Variants in WWOX observed in about 807,000 individuals in gnomAD.
WWOX encodes WW domain-containing oxidoreductase.
A neutral mutation model predicts 46.2 loss-of-function variants in WWOX; 69 were observed. The ratio of observed to expected loss-of-function variants is 1.49; its 90% confidence interval spans 1.23 to 1.82. The LOEUF (loss-of-function observed/expected upper bound fraction) is 1.82, where lower values mean the gene tolerates loss of function less well. WWOX is among the 40% of genes most tolerant of loss of function. The probability of loss-of-function intolerance (pLI) is 0.00; values close to 1 mark genes in which losing one functional copy is unlikely to be tolerated. For synonymous variants in WWOX, 359 were observed against 202.6 expected (o/e 1.77, Z -6.56); for missense variants, 919 against 542.6 (o/e 1.69, Z -6.89).
chr16:79,090,867 C>G (rs892741210), intron 8 of WWOX, among the ~76,000 whole-genome samples: 1 of 152,170 alleles, frequency 6.6e-6, no homozygotes, highest in African/African-American at 2.4e-5. Context: ...GATCTCAGCT[C>G]ACTGCAACCT....
At chr16:78,361,928 C>T (rs1173486259) in intron 5 of WWOX, among the ~76,000 whole-genome samples, 1 of 149,252 alleles carries the variant, frequency 6.7e-6, no homozygotes, top group East Asian at 1.9e-4. Flanking sequence ...CCGTTTATTT[C>T]TGATTCAATT....
intron 8 of WWOX, among the ~76,000 whole-genome samples, chr16:79,192,048 A>G (rs572952444): frequency 6.7e-4 from 102 of 152,270 alleles, no homozygotes; most frequent in African/African-American, 2.4e-3. Flanking sequence ...GTTAGAGACA[A>G]TTTTCTTCTC....
chr16:78,427,535 C>G (rs531624233), intron 7 of WWOX, among the ~76,000 whole-genome samples: 11 of 150,910 alleles, frequency 7.3e-5, no homozygotes, highest in African/African-American at 2.5e-4. Context: ...CACATACACG[C>G]ACGCACGCAC....
chr16:78,447,525 G>A (rs1459123634), intron 8 of WWOX, among the ~76,000 whole-genome samples: 1 of 152,198 alleles, frequency 6.6e-6, no homozygotes, highest in East Asian at 1.9e-4. Context: ...GAAAGTATAT[G>A]TGTAATTATT....
At chr16:79,043,324 T>A (rs367635446) in intron 8 of WWOX, among the ~76,000 whole-genome samples, 3 of 152,242 alleles carry the variant, frequency 2.0e-5, no homozygotes, top group African/African-American at 7.2e-5. Flanking sequence ...AAATTAGGAT[T>A]AAAAAAATGG....
chr16:78,448,784 G>C (rs991863114), intron 8 of WWOX, among the ~76,000 whole-genome samples: 3 of 152,204 alleles, frequency 2.0e-5, no homozygotes, highest in African/African-American at 4.8e-5. Flanking sequence ...CCCGGAACCA[G>C]AGTGTTGCCT....
chr16:78,566,192 T>C (rs1373293604), intron 8 of WWOX, among the ~76,000 whole-genome samples: 1 of 151,836 alleles, frequency 6.6e-6, no homozygotes, highest in Non-Finnish European at 1.5e-5. Context: ...TCGTACCCCG[T>C]CCCCCATGAT....
intron 5 of WWOX, among the ~76,000 whole-genome samples, chr16:78,205,287 A>T (rs2036355477): frequency 1.3e-5 from 2 of 152,320 alleles, no homozygotes; most frequent in East Asian, 1.9e-4. Context: ...TTAGGTAGAC[A>T]AACAGAAAAA....
chr16:78,448,256 G>T (rs575290071), intron 8 of WWOX, among the ~76,000 whole-genome samples: 60 of 152,236 alleles, frequency 3.9e-4, no homozygotes, highest in African/African-American at 1.4e-3. Flanking sequence ...CATAACGGGG[G>T]AGTAAAATTC....
At chr16:78,886,380 GAAAT>G (rs1192638539) in intron 8 of WWOX, among the ~76,000 whole-genome samples, 1 of 151,448 alleles carries the variant, frequency 6.6e-6, no homozygotes, top group Non-Finnish European at 1.5e-5. Flanking sequence ...AATTATATGA[GAAAT>G]AAATCCTAAA....
intron 8 of WWOX, among the ~76,000 whole-genome samples, chr16:79,056,215 CAAAAAA>C (rs199968406): frequency 7.2e-5 from 10 of 139,106 alleles, no homozygotes; most frequent in Admixed American, 2.1e-4. Flanking sequence ...GTCACTAGAC[CAAAAAA>C]AAAAAAAAAA....
At chr16:79,111,973 C>A (rs73576943) in intron 8 of WWOX, among the ~76,000 whole-genome samples, 2,735 of 152,070 alleles carry the variant, frequency 0.018, 90 homozygotes, top group African/African-American at 0.062. Context: ...CTCATAGGAC[C>A]CTGTTAAGCA....
At chr16:78,216,339 T>A (rs16947294) in intron 5 of WWOX, among the ~76,000 whole-genome samples, 12,281 of 152,284 alleles carry the variant, frequency 0.081, 599 homozygotes, top group Admixed American at 0.16. Flanking sequence ...GATGGATGCG[T>A]TACAGCCATT....
chr16:78,860,099 C>A (rs968230675), intron 8 of WWOX, among the ~76,000 whole-genome samples: 1 of 152,144 alleles, frequency 6.6e-6, no homozygotes. Context: ...AACACATAAA[C>A]TTTTGGCTGG....
intron 4 of WWOX, among the ~76,000 whole-genome samples, chr16:78,158,212 G>A (rs1354025381): frequency 6.6e-6 from 1 of 152,164 alleles, no homozygotes; most frequent in Non-Finnish European, 1.5e-5. Context: ...TCTTTCACAT[G>A]GTGATGTCAG....
intron 8 of WWOX, among the ~76,000 whole-genome samples, chr16:78,838,206 G>A (rs759592107): frequency 6.5e-4 from 99 of 152,218 alleles, no homozygotes; most frequent in Non-Finnish European, 8.1e-4. Flanking sequence ...GCAGAGGGAT[G>A]CAAAGCAGGG....
At chr16:78,844,242 A>G (rs1222735194) in intron 8 of WWOX, among the ~76,000 whole-genome samples, 1 of 152,114 alleles carries the variant, frequency 6.6e-6, no homozygotes, top group Non-Finnish European at 1.5e-5. Context: ...AGCCCAAGAG[A>G]GGCCCTCTAA....
intron 8 of WWOX, among the ~76,000 whole-genome samples, chr16:78,500,202 G>A (rs1366734797): frequency 1.3e-5 from 2 of 152,132 alleles, no homozygotes; most frequent in Non-Finnish European, 2.9e-5. Flanking sequence ...AGTACTAATT[G>A]TGTGTGTGAC....
chr16:78,510,612 T>A (rs1230632591), intron 8 of WWOX, among the ~76,000 whole-genome samples: 1 of 152,202 alleles, frequency 6.6e-6, no homozygotes, highest in Non-Finnish European at 1.5e-5. Flanking sequence ...GATACAAGAG[T>A]TGGGCACAAA....
Sources: allele counts gnomAD v4.1 joint callset (sites outside exome capture counted in the v4.1 genomes callset), GRCh38; gene constraint gnomAD v4.1.1; transcripts MANE v1.5; gene names NCBI Gene and HGNC (gene_info 2026-07-23, HGNC 2026-07-21).